The following LPIN2 variants were observed in gnomAD, a reference collection of about 807,000 sequenced individuals.
LPIN2 encodes the protein phosphatidate phosphatase LPIN2.
A neutral mutation model predicts 111.4 loss-of-function variants in LPIN2; 55 were observed. The ratio of observed to expected loss-of-function variants is 0.49; its 90% confidence interval spans 0.40 to 0.62. The LOEUF is 0.62. Among genes scored for constraint, LPIN2 ranks in the 20% least tolerant of loss-of-function variants. The pLI, the probability that LPIN2 is intolerant of heterozygous loss-of-function variation, is 0.00. For missense variants in LPIN2, 992 were observed against 1,112.1 expected (o/e 0.89, Z 1.54); for synonymous variants, 425 against 414.0 (o/e 1.03, Z -0.32).
chr18:2,978,166 G>A (rs944824762), intron 1 of LPIN2, among the ~76,000 whole-genome samples: 14 of 151,854 alleles, frequency 9.2e-5, no homozygotes, highest in Admixed American at 4.6e-4. Flanking sequence ...CAGCCTGGGC[G>A]ACAGAGCAAG....
At chr18:2,927,922 G>A (rs758195191) in intron 11 of LPIN2, 111 bp from the exon 12 acceptor site, 8 of 884,970 alleles carry the variant, frequency 9.0e-6, no homozygotes, top group Middle Eastern at 2.4e-4. Flanking sequence ...GAACGTGACC[G>A]ATGCTCTCTT....
At chr18:2,978,599 G>C (rs1191314354) in intron 1 of LPIN2, among the ~76,000 whole-genome samples, 1 of 152,238 alleles carries the variant, frequency 6.6e-6, no homozygotes, top group East Asian at 1.9e-4. Flanking sequence ...TTCAAGGTAA[G>C]GTTGGGCTCT....
chr18:2,937,413 T>C (rs1487385134), intron 7 of LPIN2, among the ~76,000 whole-genome samples: 1 of 151,334 alleles, frequency 6.6e-6, no homozygotes, highest in Non-Finnish European at 1.5e-5. Context: ...GGGATGGTGG[T>C]GTGTGCCTGT....
At chr18:2,990,842 C>T in intron 1 of LPIN2, 1 of 428,148 alleles carries the variant, frequency 2.3e-6, no homozygotes. Flanking sequence ...ATCTCTGTTC[C>T]CCGCCGGCAG....
chr18:2,923,420 CAAAAAA>C (rs869052239), intron 16 of LPIN2, among the ~76,000 whole-genome samples: 5 of 26,590 alleles, frequency 1.9e-4, no homozygotes, highest in Non-Finnish European at 2.5e-4. Flanking sequence ...AACTCCATCT[CAAAAAA>C]AAAAAAAAAA....
intron 1 of LPIN2, among the ~76,000 whole-genome samples, chr18:2,974,271 G>C (rs1396052582): frequency 1.3e-5 from 2 of 152,008 alleles, no homozygotes; most frequent in African/African-American, 2.4e-5. Flanking sequence ...GTAGAGATGG[G>C]GTTTCACCGT....
At chr18:2,942,633 T>C (rs1295105910) in intron 4 of LPIN2, among the ~76,000 whole-genome samples, 1 of 152,170 alleles carries the variant, frequency 6.6e-6, no homozygotes, top group Non-Finnish European at 1.5e-5. Context: ...AGACAAGAGG[T>C]GGCCTTTTTT....
intron 9 of LPIN2, 46 bp from the exon 10 acceptor site, chr18:2,929,204 C>T (rs1400078789): frequency 2.6e-6 from 3 of 1,175,670 alleles, no homozygotes; most frequent in Non-Finnish European, 3.8e-6. Flanking sequence ...TTACATAAAT[C>T]CCTATATGAG....
chr18:2,920,669 T>C, intron 19 of LPIN2, 109 bp downstream of exon 19: 1 of 879,724 alleles, frequency 1.1e-6, no homozygotes, highest in African/African-American at 1.6e-5. Flanking sequence ...AGCTGATCCT[T>C]TGATCAGGGC....
chr18:2,974,032 C>T (rs1229423395), intron 1 of LPIN2, among the ~76,000 whole-genome samples: 6 of 152,228 alleles, frequency 3.9e-5, no homozygotes, highest in African/African-American at 1.2e-4. Context: ...TATTTTAAAA[C>T]GGGATTGCTA....
At position 2,929,146 on chromosome 18, in the gene LPIN2, T is replaced by TC. The variant is rs764227773; in HGVS notation, c.1468dup (p.Glu490GlyfsTer20). The TC allele has an allele frequency of 6.2e-7, 1 of 1,600,982 alleles. No homozygotes were observed. Among genetic ancestry groups the TC allele is most frequent in the South Asian group, 1.1e-5 (1 of 90,802 alleles). On this transcript the variant is annotated frameshift_variant, in exon 10 of 20. Transcript: ENST00000677752. LOFTEE classifies it high-confidence loss of function. Reference sequence around the variant, plus strand: ...AAATTCGTGATAAGTAATGATATGCTCCATGAATTTTTCTGCAATGTAAAA... The same window carrying TC: ...AAATTCGTGATAAGTAATGATATGCTCCCATGAATTTTTCTGCAATGTAAAA...
In LPIN2 at chr18:2,923,865, A is replaced by C. The variant is rs1349641780; in HGVS notation, c.2088-4T>G. The C allele has an allele frequency of 6.2e-7, 1 of 1,612,676 alleles. No individual in the cohort carries two copies. Among genetic ancestry groups the C allele is most frequent in the Non-Finnish European group, 8.5e-7 (1 of 1,178,784 alleles). On this transcript the variant is annotated splice_polypyrimidine_tract_variant and splice_region_variant and intron_variant, in intron 15 of 19. Coordinates refer to ENST00000677752, the MANE Select transcript of LPIN2 (RefSeq NM_001375808.2). ...AATCTGTCCCAAAGCATCCGACCTA[A>C]GAAGACGGTAGAAACAGGAAAAGCT...
chr18:2,988,461 G>A (rs1458540004), intron 1 of LPIN2, among the ~76,000 whole-genome samples: 1 of 152,172 alleles, frequency 6.6e-6, no homozygotes, highest in Admixed American at 6.5e-5. Flanking sequence ...CAGTGAATCT[G>A]CCTACTTCAA....
At chr18:2,979,110 A>T (rs1382128265) in intron 1 of LPIN2, 1 of 152,366 alleles carries the variant, frequency 6.6e-6, no homozygotes. Flanking sequence ...CCCAAAGTGC[A>T]GGATTACAGG....
At chr18:2,986,566 A>C (rs989716204) in intron 1 of LPIN2, among the ~76,000 whole-genome samples, 2 of 151,806 alleles carry the variant, frequency 1.3e-5, no homozygotes, top group Non-Finnish European at 2.9e-5. Context: ...AAAAAAAAGA[A>C]AGACTAACTG....
At chr18:2,975,898 A>C (rs1319678762) in intron 1 of LPIN2, among the ~76,000 whole-genome samples, 1 of 152,160 alleles carries the variant, frequency 6.6e-6, no homozygotes, top group Non-Finnish European at 1.5e-5. Flanking sequence ...GGTGGGATAC[A>C]ATTTTTTTGA....
chr18:2,942,434 G>A (rs563284832), intron 4 of LPIN2, among the ~76,000 whole-genome samples: 61 of 152,252 alleles, frequency 4.0e-4, no homozygotes, highest in African/African-American at 1.4e-3. Context: ...ACGTGAAAGT[G>A]GTCTGAAAAG....
chr18:2,922,511 A>G (rs2077070071), intron 16 of LPIN2, among the ~76,000 whole-genome samples: 1 of 152,130 alleles, frequency 6.6e-6, no homozygotes, highest in South Asian at 2.1e-4. Flanking sequence ...TCCTAACCTC[A>G]GGCAACCTGC....
At chr18:2,959,216 T>G (rs1185848156) in intron 2 of LPIN2, among the ~76,000 whole-genome samples, 2 of 152,226 alleles carry the variant, frequency 1.3e-5, no homozygotes, top group African/African-American at 4.8e-5. Flanking sequence ...CCTGCTACCC[T>G]GAAATGTGGT....
Sources: gnomAD v4.1 joint callset for allele counts (sites outside exome capture counted in the v4.1 genomes callset) on GRCh38, gnomAD v4.1.1 for gene constraint, MANE v1.5 for transcripts, NCBI Gene and HGNC (gene_info 2026-07-23, HGNC 2026-07-21) for gene names.